ACOXL: variants seen among roughly 807,000 people sequenced by gnomAD.
ACOXL encodes the protein acyl-coenzyme A oxidase-like protein.
ACOXL carries 70 observed loss-of-function variants against 71.9 expected under a neutral mutation model. That is an observed-to-expected ratio of 0.97 (90% CI 0.80 to 1.19). ACOXL has a LOEUF of 1.19. ACOXL is among the 50% of genes most tolerant of loss of function. The probability of loss-of-function intolerance (pLI) is 0.00; values close to 1 mark genes in which losing one functional copy is unlikely to be tolerated. For synonymous variants in ACOXL, 253 were observed against 281.6 expected, an observed-to-expected ratio of 0.90 and a Z score of 1.02; for missense variants, 703 against 736.3, an observed-to-expected ratio of 0.95 and a Z score of 0.52.
chr2:110,748,865 G>A (rs920834080), intron 1 of ACOXL, among the ~76,000 whole-genome samples: 1 of 152,194 alleles, frequency 6.6e-6, no homozygotes, highest in Non-Finnish European at 1.5e-5. Flanking sequence ...TGGACATAAA[G>A]CATTTTTTAT....
At chr2:111,021,888 G>A (rs530512326) in intron 14 of ACOXL, among the ~76,000 whole-genome samples, 176 of 152,064 alleles carry the variant, frequency 1.2e-3, no homozygotes, top group Admixed American at 2.2e-3. Flanking sequence ...AAAAAACTTG[G>A]AAGGACCAAG....
rs139722288 is a variant in ACOXL, at chr2:110,886,418, C to T, written c.789-22371C>T. On this transcript the variant is annotated intron_variant, in intron 10 of 17. Coordinates refer to ENST00000439055, the MANE Select transcript of ACOXL (RefSeq NM_001142807.4). ...TTTTTAATGGATTCTCACTCTGTTG[C>T]GCAGGCTGGAGTGAGTGGCATGATG... Among the ~76,000 whole-genome samples, 28 of 142,344 alleles carry T rather than the reference C, an allele frequency of 2.0e-4. No homozygotes were observed. In the East Asian group the frequency reaches 4.7e-3, roughly 24 times the overall value. 93.4% of individuals were successfully genotyped at this position (142,344 alleles called of 152,430 possible).
chr2:110,797,528 A>G (rs1685425532), intron 5 of ACOXL, among the ~76,000 whole-genome samples: 1 of 152,222 alleles, frequency 6.6e-6, no homozygotes, highest in African/African-American at 2.4e-5. Flanking sequence ...AGTGGTGGGA[A>G]TAGGTCATGG....
rs60472835 is a variant in ACOXL, at chr2:110,905,548, A to G, written c.789-3241A>G. Reference sequence around the variant, plus strand: ...ATAGAATGTCTGTGCTTGGCTGTATATCACAGTTACAGAACATAATTAACA... The same window carrying G: ...ATAGAATGTCTGTGCTTGGCTGTATGTCACAGTTACAGAACATAATTAACA... On this transcript the variant is annotated intron_variant, in intron 10 of 17. Coordinates refer to ENST00000439055, the MANE Select transcript of ACOXL (RefSeq NM_001142807.4). 2.0e-3 allele frequency among the ~76,000 whole-genome samples: 305 copies of G among 152,314 alleles called. 2 individuals are homozygous for G. The highest frequency in any genetic ancestry group is 7.2e-3 in the African/African-American group (298 of 41,568).
chr2:110,805,137 A>T, intron 8 of ACOXL, 126 bp from the exon 9 acceptor site: 1 of 1,288,660 alleles, frequency 7.8e-7, no homozygotes, highest in Non-Finnish European at 1.1e-6. Flanking sequence ...CTCTGTCTCA[A>T]GGGGGAAGTT....
intron 17 of ACOXL, chr2:111,094,052 A>G (rs1017525056): frequency 8.5e-5 from 13 of 152,424 alleles, no homozygotes; most frequent in African/African-American, 2.7e-4. Context: ...TGGTGGCCCA[A>G]TTGAGAGGGG....
At chr2:111,107,550 A>G (rs1320706030) in intron 17 of ACOXL, among the ~76,000 whole-genome samples, 1 of 152,142 alleles carries the variant, frequency 6.6e-6, no homozygotes, top group Non-Finnish European at 1.5e-5. Context: ...GTGCAATGGC[A>G]CGATCTCGGC....
At position 110,827,203 on chromosome 2, in the gene ACOXL, G is replaced by T. The variant is rs188665617; in HGVS notation, c.754-14168G>T. ...ACAGCCTCCAAAAGTTTGCAGGATG[G>T]TGGGAAAGGATCTATACACAGGCAC... On this transcript the variant is annotated intron_variant, in intron 9 of 17. Coordinates refer to ENST00000439055, the MANE Select transcript of ACOXL (RefSeq NM_001142807.4). 2.0e-3 allele frequency among the ~76,000 whole-genome samples: 305 copies of T among 152,304 alleles called. 1 individual carries two copies. Among genetic ancestry groups the T allele is most frequent in the Middle Eastern group, 6.8e-3 (2 of 294 alleles).
chr2:111,019,804 G>C (rs888267691), intron 14 of ACOXL, among the ~76,000 whole-genome samples: 5 of 152,194 alleles, frequency 3.3e-5, no homozygotes, highest in Admixed American at 1.3e-4. Context: ...CTGACCCCCT[G>C]TGCTGAATTT....
At chr2:110,890,318 A>T (rs1486510545) in intron 10 of ACOXL, among the ~76,000 whole-genome samples, 1 of 152,174 alleles carries the variant, frequency 6.6e-6, no homozygotes, top group Non-Finnish European at 1.5e-5. Context: ...TTGGAAGCAC[A>T]GAAGTTTTTA....
chr2:110,862,654 A>C (rs1023439646), intron 10 of ACOXL, among the ~76,000 whole-genome samples: 2 of 152,098 alleles, frequency 1.3e-5, no homozygotes, highest in African/African-American at 2.4e-5. Context: ...AGAAGGAAAA[A>C]CGGAGTTTTA....
chr2:110,943,159 A>G (rs2060947608), intron 12 of ACOXL, among the ~76,000 whole-genome samples: 2 of 109,168 alleles, frequency 1.8e-5, no homozygotes, highest in African/African-American at 5.7e-5. Context: ...AGAGAAAGAA[A>G]AAGAAAAAGG....
At chr2:110,895,100 G>A (rs2058954327) in intron 10 of ACOXL, among the ~76,000 whole-genome samples, 1 of 152,124 alleles carries the variant, frequency 6.6e-6, no homozygotes, top group Admixed American at 6.5e-5. Flanking sequence ...AGATGTTAGA[G>A]TAACCTGAAA....
chr2:110,962,290 A>G (rs914170778), intron 12 of ACOXL, among the ~76,000 whole-genome samples: 1 of 152,260 alleles, frequency 6.6e-6, no homozygotes, highest in African/African-American at 2.4e-5. Context: ...GCAGGACCGC[A>G]CTTTATCGGA....
At chr2:110,856,862 A>G (rs1408164064) in intron 10 of ACOXL, among the ~76,000 whole-genome samples, 4 of 152,214 alleles carry the variant, frequency 2.6e-5, no homozygotes, top group Non-Finnish European at 4.4e-5. Flanking sequence ...TATACAATGT[A>G]AATCCCAACT....
At chr2:110,750,672 G>GGTGT (rs374223711) in intron 1 of ACOXL, among the ~76,000 whole-genome samples, 1 of 147,910 alleles carries the variant, frequency 6.8e-6, no homozygotes, top group African/African-American at 2.5e-5. Context: ...TATGTGTATG[G>GGTGT]GTGTGTGTGT....
chr2:111,059,055 C>T (rs1320889942), intron 16 of ACOXL, among the ~76,000 whole-genome samples: 2 of 152,126 alleles, frequency 1.3e-5, no homozygotes, highest in Non-Finnish European at 2.9e-5. Flanking sequence ...GCCTGGGCAA[C>T]ATAGATCTCT....
At chr2:111,098,056 G>T (rs2068907602) in intron 17 of ACOXL, among the ~76,000 whole-genome samples, 1 of 152,186 alleles carries the variant, frequency 6.6e-6, no homozygotes, top group Non-Finnish European at 1.5e-5. Context: ...AATGATTAAG[G>T]TACATATCAC....
At chr2:110,959,737 G>A (rs1198270920) in intron 12 of ACOXL, among the ~76,000 whole-genome samples, 8 of 152,298 alleles carry the variant, frequency 5.3e-5, no homozygotes, top group South Asian at 2.1e-4. Context: ...TCAGCATTCA[G>A]CACCCCAGGC....
Sources: gnomAD v4.1 joint callset for allele counts (sites outside exome capture counted in the v4.1 genomes callset) on GRCh38, gnomAD v4.1.1 for gene constraint, MANE v1.5 for transcripts, NCBI Gene and HGNC (gene_info 2026-07-23, HGNC 2026-07-21) for gene names.